The following ELAPOR1 variants were observed in gnomAD, a reference collection of about 807,000 sequenced individuals.
ELAPOR1 encodes endosome-lysosome associated apoptosis and autophagy regulator 1, also known as endosome/lysosome-associated apoptosis and autophagy regulator 1.
Under a neutral mutation model 119.7 loss-of-function variants are expected in ELAPOR1, and 77 were observed. The ratio of observed to expected loss-of-function variants is 0.64; its 90% CI spans 0.54 to 0.78. The LOEUF (loss-of-function observed/expected upper bound fraction) is 0.78, where lower values mean the gene tolerates loss of function less well. Ranked by LOEUF, ELAPOR1 falls within the 30% of genes least tolerant of loss-of-function variation. The pLI is 0.00. For missense variants in ELAPOR1, 1,115 were observed against 1,270.4 expected (o/e 0.88, Z 1.86); for synonymous variants, 481 against 487.2 (o/e 0.99, Z 0.17).
chr1:109,200,241 C>G lies in ELAPOR1; in HGVS notation c.2807+4C>G, dbSNP rs774499697. On this transcript the variant is annotated splice_donor_region_variant and intron_variant, in intron 20 of 21. Coordinates refer to ENST00000369939, the MANE Select transcript of ELAPOR1 (RefSeq NM_020775.5). Reference sequence around the variant, plus strand: ...ACTTTTGGAAAAAGAATCAAAAGTACATGTTGCGGTATTGGAGTGTGGGGA... The same window carrying G: ...ACTTTTGGAAAAAGAATCAAAAGTAGATGTTGCGGTATTGGAGTGTGGGGA... 1.9e-6 allele frequency: 3 copies of G among 1,613,612 alleles called. No homozygotes were observed. The Admixed American group carries it at 5.0e-5, about 27-fold the overall frequency.
chr1:109,155,781 C>A (rs1650838069), intron 1 of ELAPOR1, among the ~76,000 whole-genome samples: 1 of 152,168 alleles, frequency 6.6e-6, no homozygotes, highest in South Asian at 2.1e-4. Context: ...ACAATGTGCA[C>A]TCTGCCTGCT....
At chr1:109,202,831 C>T in intron 21 of ELAPOR1, 113 bp from the exon 22 acceptor site, 3 of 1,001,108 alleles carry the variant, frequency 3.0e-6, no homozygotes, top group Admixed American at 1.7e-5. Flanking sequence ...CACAAAGCCA[C>T]TGAAACAGGA....
At chr1:109,187,466 T>G (rs1653126255) in intron 8 of ELAPOR1, 1 of 998,872 alleles carries the variant, frequency 1.0e-6, no homozygotes, top group Non-Finnish European at 1.2e-6. Flanking sequence ...TCTTTTCATA[T>G]GTATGGTATC....
chr1:109,125,692 T>G (rs1648736468), intron 1 of ELAPOR1, among the ~76,000 whole-genome samples: 1 of 152,224 alleles, frequency 6.6e-6, no homozygotes. Flanking sequence ...CCAAGCAGTC[T>G]GTTTTTAATC....
chr1:109,188,504 A>C (rs1653215188), intron 9 of ELAPOR1, 150 bp downstream of exon 9: 2 of 841,322 alleles, frequency 2.4e-6, no homozygotes, highest in East Asian at 5.4e-5. Flanking sequence ...GACTAAATTC[A>C]GGAGAAGAGA....
intron 1 of ELAPOR1, among the ~76,000 whole-genome samples, chr1:109,137,927 A>G (rs1649581243): frequency 6.6e-6 from 1 of 152,270 alleles, no homozygotes. Context: ...CACAAAGTAT[A>G]CAAACTTTTC....
In ELAPOR1 at chr1:109,187,782, T is replaced by C. The variant is rs149238694; in HGVS notation, c.1042-395T>C. ...CCACCCCCTCAGTCCCCGGGGGACATCTGAGCCACCTCCACCCTTGTGCCT... is the reference window on the plus strand; with the variant it reads ...CCACCCCCTCAGTCCCCGGGGGACACCTGAGCCACCTCCACCCTTGTGCCT... On this transcript the variant is annotated intron_variant, in intron 8 of 21. Transcript: ENST00000369939. 881 of 822,854 alleles carry C rather than the reference T, an allele frequency of 1.1e-3. No homozygotes were observed. In the African/African-American group the frequency reaches 0.015, roughly 14 times the overall value. 51.0% of individuals were successfully genotyped at this position (822,854 alleles called of 1,614,324 possible). A position where few individuals can be genotyped will look rare whatever the true frequency, so the allele number is the denominator to read the frequency against.
chr1:109,189,564 G>T, intron 10 of ELAPOR1, 28 bp from the exon 11 acceptor site: 1 of 1,599,546 alleles, frequency 6.3e-7, no homozygotes, highest in South Asian at 1.1e-5. Context: ...AAGAGCACAA[G>T]GCATTAACTC....
intron 1 of ELAPOR1, among the ~76,000 whole-genome samples, chr1:109,144,061 A>ATATATATATATATATATATATATTTTT: frequency 2.2e-5 from 2 of 89,018 alleles, no homozygotes; most frequent in African/African-American, 9.6e-5. Flanking sequence ...ATATTTATAT[A>ATATATATATATATATATATATATTTTT]TTTTTTTTTT....
chr1:109,183,968 G>C (rs114168174), intron 7 of ELAPOR1, among the ~76,000 whole-genome samples: 1,887 of 152,008 alleles, frequency 0.012, 32 homozygotes, highest in African/African-American at 0.042. Context: ...GAGGCGGGAG[G>C]ATCGCTTGAG....
chr1:109,128,951 A>G (rs1648967749), intron 1 of ELAPOR1, among the ~76,000 whole-genome samples: 1 of 152,214 alleles, frequency 6.6e-6, no homozygotes, highest in Non-Finnish European at 1.5e-5. Context: ...TAGACTGAGA[A>G]CCTGAGCCCT....
chr1:109,193,204 T>C (rs536317085), intron 14 of ELAPOR1, among the ~76,000 whole-genome samples: 41 of 152,228 alleles, frequency 2.7e-4, no homozygotes, highest in African/African-American at 9.9e-4. Context: ...CTGTGGCTTA[T>C]ATTCAAAAAT....
At chr1:109,118,139 G>A (rs112726065) in intron 1 of ELAPOR1, among the ~76,000 whole-genome samples, 3,816 of 150,302 alleles carry the variant, frequency 0.025, 154 homozygotes, top group African/African-American at 0.083. Flanking sequence ...AAAAAAAAAA[G>A]AAAGAAAGAA....
At chr1:109,197,155 A>AT (rs1234541869) in intron 15 of ELAPOR1, among the ~76,000 whole-genome samples, 1 of 151,608 alleles carries the variant, frequency 6.6e-6, no homozygotes, top group Non-Finnish European at 1.5e-5. Context: ...AAAAAAAAAA[A>AT]ATTAACCTGC....
chr1:109,177,640 A>G (rs895041722), intron 7 of ELAPOR1, among the ~76,000 whole-genome samples: 1 of 151,940 alleles, frequency 6.6e-6, no homozygotes, highest in African/African-American at 2.4e-5. Flanking sequence ...CTATGAGTGC[A>G]GTTTTCAACT....
intron 18 of ELAPOR1, 152 bp from the exon 19 acceptor site, chr1:109,199,702 G>A (rs1654042122): frequency 1.2e-6 from 1 of 856,424 alleles, no homozygotes; most frequent in Admixed American, 2.7e-5. Flanking sequence ...ATCAAAACCT[G>A]TGTTAAGGAC....
chr1:109,115,509 G>A (rs188100037), intron 1 of ELAPOR1, among the ~76,000 whole-genome samples: 4 of 152,132 alleles, frequency 2.6e-5, no homozygotes, highest in African/African-American at 9.6e-5. Flanking sequence ...CTAACTCCTG[G>A]GCTCAAGCGA....
At chr1:109,197,945 T>A in intron 16 of ELAPOR1, 34 bp from the exon 17 acceptor site, 1 of 1,552,318 alleles carries the variant, frequency 6.4e-7, no homozygotes, top group Non-Finnish European at 8.9e-7. Context: ...CTAATGCTAC[T>A]AGTGAGAACT....
intron 3 of ELAPOR1, among the ~76,000 whole-genome samples, chr1:109,170,375 C>A (rs1049413815): frequency 6.6e-6 from 1 of 151,950 alleles, no homozygotes; most frequent in African/African-American, 2.4e-5. Context: ...TCATAATATA[C>A]TAAAAATATA....
Sources: gnomAD v4.1 joint callset for allele counts (sites outside exome capture counted in the v4.1 genomes callset) on GRCh38, gnomAD v4.1.1 for gene constraint, MANE v1.5 for transcripts, NCBI Gene and HGNC (gene_info 2026-07-23, HGNC 2026-07-21) for gene names.